Variants in CLK3 observed in about 807,000 individuals in gnomAD.
CLK3 encodes CDC like kinase 3, also known as dual specificity protein kinase CLK3.
A neutral mutation model predicts 65.2 loss-of-function variants in CLK3; 24 were observed. The ratio of observed to expected loss-of-function variants is 0.37; its 90% CI spans 0.27 to 0.52. CLK3 has a LOEUF of 0.52. Ranked by LOEUF, CLK3 falls within the 20% of genes least tolerant of loss-of-function variation. The pLI is 0.92. For missense variants in CLK3, 506 were observed against 660.0 expected (o/e 0.77, Z 2.56); for synonymous variants, 252 against 240.8 (o/e 1.05, Z -0.43).
chr15:74,619,456 A>G (rs1021642705), intron 2 of CLK3, 108 bp downstream of exon 2: 1 of 1,274,932 alleles, frequency 7.8e-7, no homozygotes, highest in African/African-American at 1.5e-5. Flanking sequence ...CTGTCCCTGG[A>G]TCCCTGCCCT....
At chr15:74,608,959 C>A (rs2061949286) in intron 1 of CLK3, among the ~76,000 whole-genome samples, 1 of 152,202 alleles carries the variant, frequency 6.6e-6, no homozygotes, top group African/African-American at 2.4e-5. Context: ...GGGCCACACC[C>A]AGTGCTGCTA....
At chr15:74,614,705 G>T (rs1025064466), upstream of CLK3, 4 of 152,156 alleles carry the variant, frequency 2.6e-5, no homozygotes, top group Non-Finnish European at 4.4e-5. Context: ...CTTCAGGGGC[G>T]GGCCCAGACC....
Position 74,620,049 on chromosome 15 carries a change from C to T in CLK3, c.193C>T (p.Arg65Cys), listed in dbSNP as rs775001314. The T allele has an allele frequency of 7.4e-6, 12 of 1,614,176 alleles. No homozygotes were observed. The highest frequency in any genetic ancestry group is 1.1e-5 in the South Asian group (1 of 91,090). Residue 65 changes from arginine to cysteine, a missense_variant, in exon 3 of 13, where the codon CGT becomes TGT. Arg to Cys is a radical substitution (Grantham distance 180). Coordinates refer to ENST00000395066, the MANE Select transcript of CLK3 (RefSeq NM_001130028.2). ...CTACCAGAGGAGGTACCGGGAGCGC[C>T]GTGACAGCGATACATACCGGTGTGA... ...LPYQRRYRER[R>C]DSDTYRCEER...
chr15:74,617,957 C>T (rs938733705), intron 1 of CLK3, among the ~76,000 whole-genome samples: 2 of 152,208 alleles, frequency 1.3e-5, no homozygotes, highest in African/African-American at 4.8e-5. Context: ...CGGGGGAAGA[C>T]AAGTTAGTGG....
chr15:74,611,005 A>AT (rs1359841759), upstream of CLK3, among the ~76,000 whole-genome samples: 3 of 152,022 alleles, frequency 2.0e-5, no homozygotes, highest in Admixed American at 2.0e-4. Context: ...ACTCGGGGAG[A>AT]TTGGGCTTCT....
chr15:74,615,806 G>C, upstream of CLK3: 1 of 1,245,458 alleles, frequency 8.0e-7, no homozygotes, highest in Non-Finnish European at 1.0e-6. Flanking sequence ...ACGCGAGGGG[G>C]CGGGGCTGCC....
At chr15:74,615,723 G>T (rs1449472969), upstream of CLK3, 64 of 1,238,896 alleles carry the variant, frequency 5.2e-5, no homozygotes, top group Non-Finnish European at 6.5e-5. Context: ...TGGTGCCCCG[G>T]AGCCTTCGAG....
At position 74,627,394 on chromosome 15, in the gene CLK3, A is replaced by G; in HGVS notation, c.860A>G (p.Glu287Gly). The G allele has an allele frequency of 6.2e-7, 1 of 1,614,174 alleles. No individual in the cohort carries two copies. The highest frequency in any genetic ancestry group is 8.5e-7 in the Non-Finnish European group (1 of 1,180,026). The change falls in exon 8 of 13, where the codon GAG (glutamate) becomes GGG (glycine). Residue 287 changes from glutamate to glycine, a missense_variant. Physicochemically the swap from Glu to Gly is moderately conservative, Grantham distance 98 (BLOSUM62 -2). This residue lies in a region of CLK3 where 325 missense variants were observed against 500.5 expected (regional missense o/e 0.65). Transcript: ENST00000395066. This position sits in a 1 kb window ranked among gnomAD's most constrained non-coding sequence, Gnocchi z 4.3. ...CTGACCCATACAGACTTGAAACCAG[A>G]GAACATCCTGTTTGTGAATTCTGAG... ...NQLTHTDLKP[E>G]NILFVNSEFE...
intron 1 of CLK3, among the ~76,000 whole-genome samples, chr15:74,616,512 T>G (rs1343657393): frequency 6.6e-6 from 1 of 152,248 alleles, no homozygotes; most frequent in East Asian, 1.9e-4. Context: ...CCCTGGCTGC[T>G]CCTCCGTCCC....
Position 74,627,145 on chromosome 15 carries a change from A to G in CLK3, c.818-207A>G, listed in dbSNP as rs1388862222. The G allele has an allele frequency of 8.7e-6, 6 of 686,420 alleles. No individual in the cohort carries two copies. The highest frequency in any genetic ancestry group is 3.5e-5 in the African/African-American group (2 of 56,972). 42.5% of individuals were successfully genotyped at this position (686,420 alleles called of 1,614,324 possible). ...CAAATTTCTTTCCTACCCCCCTGCT[A>G]AAGTATCAGAACCCTCCAAGGCCTC... On this transcript the variant is annotated intron_variant, in intron 7 of 12. Transcript: ENST00000395066. The surrounding 1 kb of genome is among the most constrained non-coding windows in gnomAD (Gnocchi z 4.3).
intron 6 of CLK3, among the ~76,000 whole-genome samples, chr15:74,625,479 T>C (rs2063163230): frequency 6.6e-6 from 1 of 152,110 alleles, no homozygotes; most frequent in South Asian, 2.1e-4. Flanking sequence ...GCACTAGCAC[T>C]TTCCATCTCT....
At chr15:74,625,580 C>T (rs1039471966) in intron 6 of CLK3, among the ~76,000 whole-genome samples, 1 of 152,150 alleles carries the variant, frequency 6.6e-6, no homozygotes, top group Non-Finnish European at 1.5e-5. Context: ...CTCCCCTACC[C>T]CCCGCAGGAA....
Position 74,624,835 on chromosome 15 carries a change from G to A in CLK3, c.534-67G>A. On this transcript the variant is annotated intron_variant, in intron 5 of 12. Transcript: ENST00000395066. The surrounding 1 kb of genome is among the most constrained non-coding windows in gnomAD (Gnocchi z 4.2). ...GTGTTTGTTGGGAGTTGCTGGGTTG[G>A]GGTGGAGGGTTGGGGAAGGACTGGG... 1 of 1,152,346 alleles carries A rather than the reference G, an allele frequency of 8.7e-7. No individual in the cohort carries two copies. The highest frequency in any genetic ancestry group is 1.3e-6 in the Non-Finnish European group (1 of 777,882). The allele number at this position is 1,152,346 out of a possible 1,614,324, so 71.4% of individuals were successfully genotyped here. A position where few individuals can be genotyped will look rare whatever the true frequency, so the allele number is the denominator to read the frequency against.
rs77418292 is a variant in CLK3 at position 74,610,799 on chromosome 15, C to A, written c.-1+2373C>A. On this transcript the variant is annotated intron_variant, in intron 1 of 12. Coordinates refer to the CLK3 transcript ENST00000345005. ...GGTTGTCAACTGGGTCCCAAGGGTC[C>A]CCCAGGCCTGGTAGGGAGCAGTGGC... Among the ~76,000 whole-genome samples the A allele has an allele frequency of 7.5e-3, 1,146 of 152,336 alleles. 15 individuals carry two copies. The highest frequency in any genetic ancestry group is 0.027 in the African/African-American group (1,111 of 41,566).
At chr15:74,615,095 A>C, upstream of CLK3, 2 of 256,090 alleles carry the variant, frequency 7.8e-6, no homozygotes, top group Non-Finnish European at 1.5e-5. Flanking sequence ...GGCCTCTGCA[A>C]AAGGGGGCTG....
At chr15:74,612,104 C>A (rs149091489), upstream of CLK3, among the ~76,000 whole-genome samples, 14 of 152,368 alleles carry the variant, frequency 9.2e-5, no homozygotes, top group East Asian at 9.6e-4. Context: ...GCGCAGCAGG[C>A]ACTCCTGAGG....
At position 74,622,151 on chromosome 15, in the gene CLK3, G is replaced by A. The variant is rs762111022; in HGVS notation, c.401G>A (p.Arg134Gln). The change falls in exon 4 of 13, where the codon CGG becomes CAG. Residue 134 changes from arginine (R) to glutamine (Q), a missense_variant. Arg to Gln is a conservative substitution (Grantham distance 43). Around this residue, in one of 2 missense-constraint regions of CLK3, gnomAD observed 325 missense variants for 500.5 expected, o/e 0.65. Transcript: ENST00000395066. The surrounding 1 kb of genome is among the most constrained non-coding windows in gnomAD (Gnocchi z 4.6). ...CAACAGAGCAGTAAGCGCAGCAGCC[G>A]GAGTGTGGAAGATGACAAGGAGGGT... is the stretch of plus-strand genomic sequence containing the variant. ...RSQQSSKRSSRSVEDDKEGHL... is the reference protein window; with the variant it reads ...RSQQSSKRSSQSVEDDKEGHL... 8.7e-6 allele frequency: 14 copies of A among 1,614,022 alleles called. No homozygotes were observed. Among genetic ancestry groups the A allele is most frequent in the Admixed American group, 3.3e-5 (2 of 60,008 alleles).
intron 3 of CLK3, 26 bp downstream of exon 3, chr15:74,620,251 C>T (rs1337270253): frequency 6.2e-7 from 1 of 1,612,452 alleles, no homozygotes; most frequent in Non-Finnish European, 8.5e-7. Flanking sequence ...AGTGTGCTGG[C>T]TGGGGCTTAA....
chr15:74,615,353 G>A, upstream of CLK3: 1 of 1,079,792 alleles, frequency 9.3e-7, no homozygotes, highest in Non-Finnish European at 1.2e-6. Flanking sequence ...AGATAATAAT[G>A]TGTCGTTCGC....
Sources: allele counts gnomAD v4.1 joint callset (sites outside exome capture counted in the v4.1 genomes callset), GRCh38; gene constraint gnomAD v4.1.1; regional missense constraint gnomAD v4.1.1; non-coding constraint Gnocchi (gnomAD v3.1); transcripts MANE v1.5; gene names NCBI Gene and HGNC (gene_info 2026-07-23, HGNC 2026-07-21).